The following CD48 variants were observed in gnomAD, a reference collection of about 807,000 sequenced individuals.
CD48 encodes the protein CD48 molecule.
In CD48, 20 loss-of-function variants were observed where a neutral mutation model predicts 22.0. That is an observed-to-expected ratio of 0.91 (90% confidence interval 0.64 to 1.32). CD48 has a LOEUF of 1.32. CD48 is among the 40% of genes most tolerant of loss of function. The probability of loss-of-function intolerance (pLI) is 0.00; values close to 1 mark genes in which losing one functional copy is unlikely to be tolerated. For missense variants in CD48, 307 were observed against 286.5 expected (o/e 1.07, Z -0.52); for synonymous variants, 110 against 110.1 (o/e 1.00, Z 0.01).
intron 1 of CD48, among the ~76,000 whole-genome samples, chr1:160,709,748 C>A (rs1225603377): frequency 6.6e-6 from 1 of 152,162 alleles, no homozygotes; most frequent in Non-Finnish European, 1.5e-5. Context: ...GATGTGTAGT[C>A]CAAAAGGAAG....
intron 1 of CD48, among the ~76,000 whole-genome samples, chr1:160,686,205 C>G (rs960724001): frequency 5.9e-5 from 9 of 151,920 alleles, no homozygotes; most frequent in Non-Finnish European, 8.8e-5. Context: ...CTTCTATGGC[C>G]CACCTTGGGA....
At chr1:160,700,555 A>C (rs538316023) in intron 1 of CD48, among the ~76,000 whole-genome samples, 8 of 152,176 alleles carry the variant, frequency 5.3e-5, no homozygotes, top group Non-Finnish European at 8.8e-5. Context: ...TAGAAGCTGA[A>C]AAGGCTGAAA....
intron 1 of CD48, among the ~76,000 whole-genome samples, chr1:160,697,399 C>A (rs903211987): frequency 7.0e-6 from 1 of 143,368 alleles, no homozygotes; most frequent in African/African-American, 2.5e-5. Flanking sequence ...GGGTACCTGG[C>A]CCCACAGATG....
At chr1:160,709,311 G>T (rs1662883652) in intron 1 of CD48, among the ~76,000 whole-genome samples, 1 of 152,136 alleles carries the variant, frequency 6.6e-6, no homozygotes, top group African/African-American at 2.4e-5. Flanking sequence ...GTTTTCATCT[G>T]TATCGGATTC....
chr1:160,696,188 ATC>A (rs1662416534), intron 1 of CD48, among the ~76,000 whole-genome samples: 1 of 152,094 alleles, frequency 6.6e-6, no homozygotes, highest in Non-Finnish European at 1.5e-5. Context: ...AAAACTCCAT[ATC>A]AATCGGCTCA....
intron 1 of CD48, among the ~76,000 whole-genome samples, chr1:160,701,290 C>A (rs1221668725): frequency 1.3e-5 from 2 of 148,252 alleles, no homozygotes; most frequent in Non-Finnish European, 1.5e-5. Context: ...AATCGGTTAC[C>A]ATCCGCCATT....
intron 3 of CD48, chr1:160,680,687 G>A (rs1336516097): frequency 1.2e-5 from 12 of 1,011,556 alleles, no homozygotes; most frequent in Non-Finnish European, 1.4e-5. Context: ...GAGAAGCTTC[G>A]CCTGAGGCTC....
rs745470778 is a variant in CD48 at position 160,685,182 on chromosome 1, C to A, written c.90G>T (p.Leu30Phe). The A allele has an allele frequency of 3.1e-6, 5 of 1,604,068 alleles. No homozygotes were observed. The highest frequency in any genetic ancestry group is 3.4e-6 in the Non-Finnish European group (4 of 1,172,982). The change falls in exon 2 of 4, where the codon TTG (leucine) becomes TTT (phenylalanine). Residue 30 changes from leucine to phenylalanine, a missense_variant. Physicochemically the swap from Leu to Phe is conservative, Grantham distance 22. Transcript: ENST00000368046. ...TGCCGGAGACCACGGTCATATGTAC[C>A]AAGTGACCTGCCAATGAGATTCAGA... ...SLLVTSIQGH[L>F]VHMTVVSGSN...
At chr1:160,704,500 T>C (rs888489839) in intron 1 of CD48, among the ~76,000 whole-genome samples, 3 of 152,228 alleles carry the variant, frequency 2.0e-5, no homozygotes, top group Non-Finnish European at 4.4e-5. Flanking sequence ...CCCTCTGCAC[T>C]GACTCACTGG....
At position 160,678,807 on chromosome 1, in the gene CD48, T is replaced by G. The variant is rs1269146299; in HGVS notation, c.*245A>C. The G allele has an allele frequency of 2.7e-6, 1 of 376,786 alleles. No homozygotes were observed. The highest frequency in any genetic ancestry group is 4.7e-5 in the Admixed American group (1 of 21,302). 23.3% of individuals were successfully genotyped at this position (376,786 alleles called of 1,614,324 possible). The stretch of plus-strand genomic sequence containing the variant: ...AAAAAATAATAAAACATTCACATAA[T>G]GTTGTCACAATTTTGGGTGGGAAAA... On this transcript the variant is annotated 3_prime_UTR_variant, in exon 4 of 4. Transcript: ENST00000368046.
intron 1 of CD48, among the ~76,000 whole-genome samples, chr1:160,693,034 T>C (rs893565061): frequency 3.9e-4 from 59 of 152,266 alleles, no homozygotes; most frequent in African/African-American, 1.4e-3. Context: ...GAAATAGGGC[T>C]GCCAATCCTC....
At chr1:160,702,646 T>A (rs1472749037) in intron 1 of CD48, among the ~76,000 whole-genome samples, 1 of 152,142 alleles carries the variant, frequency 6.6e-6, no homozygotes, top group African/African-American at 2.4e-5. Context: ...GCAACTTTTT[T>A]GAATATGACC....
intron 1 of CD48, among the ~76,000 whole-genome samples, chr1:160,689,208 G>C (rs146269723): frequency 6.6e-6 from 1 of 152,116 alleles, no homozygotes; most frequent in African/African-American, 2.4e-5. Flanking sequence ...AGGCACAGAG[G>C]GGGGTATTTA....
intron 1 of CD48, among the ~76,000 whole-genome samples, chr1:160,708,661 G>T (rs1007218907): frequency 2.0e-5 from 3 of 152,200 alleles, no homozygotes; most frequent in African/African-American, 7.2e-5. Context: ...AACTAGACAA[G>T]TGGAGATGTC....
intron 1 of CD48, among the ~76,000 whole-genome samples, chr1:160,707,621 AAAG>A (rs1483741732): frequency 6.6e-6 from 1 of 152,182 alleles, no homozygotes; most frequent in Non-Finnish European, 1.5e-5. Context: ...TTTCTTCTGC[AAAG>A]AAGGAGGCAC....
At chr1:160,688,189 G>C (rs141744518) in intron 1 of CD48, among the ~76,000 whole-genome samples, 1 of 152,184 alleles carries the variant, frequency 6.6e-6, no homozygotes, top group Non-Finnish European at 1.5e-5. Flanking sequence ...AAAATGAGCC[G>C]TTTGAATAGA....
chr1:160,695,843 A>G (rs1662399267), intron 1 of CD48, among the ~76,000 whole-genome samples: 1 of 152,136 alleles, frequency 6.6e-6, no homozygotes, highest in Non-Finnish European at 1.5e-5. Context: ...TTTACATTGT[A>G]CTTGGATCAA....
At chr1:160,691,712 C>G (rs189429038) in intron 1 of CD48, 19 of 319,196 alleles carry the variant, frequency 6.0e-5, no homozygotes, top group Non-Finnish European at 6.8e-5. Flanking sequence ...TTGCACCTTA[C>G]GAGAAACACC....
chr1:160,706,606 A>G (rs1313647742), intron 1 of CD48, among the ~76,000 whole-genome samples: 9 of 152,220 alleles, frequency 5.9e-5, no homozygotes, highest in African/African-American at 1.7e-4. Flanking sequence ...AAAAACTACT[A>G]TTTTGATTTA....
Sources: allele counts gnomAD v4.1 joint callset (sites outside exome capture counted in the v4.1 genomes callset), GRCh38; gene constraint gnomAD v4.1.1; transcripts MANE v1.5; gene names NCBI Gene and HGNC (gene_info 2026-07-23, HGNC 2026-07-21).